The following MAGI2 variants were observed in gnomAD, a reference collection of about 807,000 sequenced individuals.
The protein encoded by MAGI2 is membrane-associated guanylate kinase, WW and PDZ domain-containing protein 2.
MAGI2 carries 35 observed loss-of-function variants against 133.3 expected under a neutral mutation model. That is an observed-to-expected ratio of 0.26 (90% confidence interval 0.20 to 0.35). The LOEUF (loss-of-function observed/expected upper bound fraction) is 0.35. Among genes scored for constraint, MAGI2 ranks in the 10% least tolerant of loss-of-function variants. MAGI2 has a pLI of 1.00. For missense variants in MAGI2, 1,636 were observed against 1,863.4 expected, an observed-to-expected ratio of 0.88 and a Z score of 2.25; for synonymous variants, 729 against 710.6, an observed-to-expected ratio of 1.03 and a Z score of -0.41.
At chr7:78,685,233 G>C (rs321967) in intron 2 of MAGI2, among the ~76,000 whole-genome samples, 113,173 of 152,052 alleles carry the variant, frequency 0.74, 42,307 homozygotes, top group East Asian at 0.97. Context: ...ATTCCTGGCA[G>C]AGTTTAAGGC....
intron 2 of MAGI2, among the ~76,000 whole-genome samples, chr7:78,728,073 A>G (rs530443769): frequency 1.3e-5 from 2 of 152,286 alleles, no homozygotes; most frequent in South Asian, 4.1e-4. Flanking sequence ...AATTGAGTGA[A>G]GTTATAACTA....
chr7:79,220,304 C>G (rs1322973098), intron 1 of MAGI2, among the ~76,000 whole-genome samples: 1 of 152,042 alleles, frequency 6.6e-6, no homozygotes. Context: ...AATGTCTTAA[C>G]TACCTCACGG....
chr7:79,453,101 C>T lies in MAGI2; in HGVS notation c.220G>A (p.Val74Met). The T allele has an allele frequency of 1.2e-6, 2 of 1,613,832 alleles. No homozygotes were observed. The highest frequency in any genetic ancestry group is 1.7e-6 in the Non-Finnish European group (2 of 1,179,980). ...ELLLEVNETPVAGLTIRDVLA... is the reference protein window; with the variant it reads ...ELLLEVNETPMAGLTIRDVLA... The stretch of plus-strand genomic sequence containing the variant: ...ACGTCCCTGATGGTGAGCCCCGCCA[C>T]GGGGGTCTCGTTCACCTCCAGCAGC... The change falls in exon 1 of 22, where the codon GTG becomes ATG. Residue 74 changes from valine (V) to methionine (M), a missense_variant. Transcript: ENST00000354212.
At chr7:79,202,664 T>C (rs995226262) in intron 1 of MAGI2, among the ~76,000 whole-genome samples, 3 of 152,064 alleles carry the variant, frequency 2.0e-5, no homozygotes, top group African/African-American at 4.8e-5. Flanking sequence ...TTTGGGAAAA[T>C]ACAAGTAATG....
chr7:78,251,338 C>G (rs899664723), intron 10 of MAGI2: 1 of 152,172 alleles, frequency 6.6e-6, no homozygotes, highest in Admixed American at 6.5e-5. Context: ...CTGCTCACCT[C>G]TCTTGCACTC....
chr7:79,386,023 G>C (rs1339301370), intron 1 of MAGI2, among the ~76,000 whole-genome samples: 1 of 151,770 alleles, frequency 6.6e-6, no homozygotes, highest in Non-Finnish European at 1.5e-5. Flanking sequence ...CTGGAAAAGA[G>C]GGATTCTGAT....
intron 21 of MAGI2, 180 bp downstream of exon 21, chr7:78,078,767 T>A: frequency 1.5e-6 from 1 of 665,426 alleles, no homozygotes; most frequent in Non-Finnish European, 2.5e-6. Flanking sequence ...TTCCTGGGCA[T>A]AAACATACGT....
At chr7:78,742,749 T>G (rs1822552469) in intron 2 of MAGI2, among the ~76,000 whole-genome samples, 1 of 152,178 alleles carries the variant, frequency 6.6e-6, no homozygotes, top group South Asian at 2.1e-4. Flanking sequence ...ATTTGTAGCT[T>G]GCTTGTGACC....
At chr7:79,201,387 C>G (rs570092517) in intron 1 of MAGI2, among the ~76,000 whole-genome samples, 1 of 152,142 alleles carries the variant, frequency 6.6e-6, no homozygotes, top group South Asian at 2.1e-4. Flanking sequence ...TGATCACTTT[C>G]AAGGTCACAG....
chr7:79,271,336 A>C (rs891381759), intron 1 of MAGI2, among the ~76,000 whole-genome samples: 2 of 152,132 alleles, frequency 1.3e-5, no homozygotes, highest in African/African-American at 2.4e-5. Context: ...TCAGCATTTT[A>C]CGTCTAGCAC....
chr7:79,320,191 T>G (rs910192595), intron 1 of MAGI2, among the ~76,000 whole-genome samples: 1 of 152,168 alleles, frequency 6.6e-6, no homozygotes, highest in Non-Finnish European at 1.5e-5. Flanking sequence ...TATAGTACTA[T>G]GATTTCCCAT....
intron 2 of MAGI2, 79 bp downstream of exon 2, chr7:79,007,011 A>G (rs1276906009): frequency 9.3e-7 from 1 of 1,070,948 alleles, no homozygotes. Context: ...GTGCAATTTC[A>G]CTTTCTTTTA....
At chr7:79,347,100 C>A (rs1228218689) in intron 1 of MAGI2, among the ~76,000 whole-genome samples, 1 of 151,858 alleles carries the variant, frequency 6.6e-6, no homozygotes, top group African/African-American at 2.4e-5. Context: ...GAGTGTTCAT[C>A]TTTACCTTTT....
intron 16 of MAGI2, among the ~76,000 whole-genome samples, chr7:78,140,771 G>T (rs1044796519): frequency 6.6e-6 from 1 of 152,214 alleles, no homozygotes; most frequent in South Asian, 2.1e-4. Flanking sequence ...ACACATTTCA[G>T]AATAGCATCT....
chr7:78,087,503 T>TA (rs3840604), intron 20 of MAGI2, among the ~76,000 whole-genome samples: 10 of 152,104 alleles, frequency 6.6e-5, no homozygotes, highest in East Asian at 1.9e-4. Context: ...GTAGAAGAGA[T>TA]AAAAAAAGTA....
intron 10 of MAGI2, among the ~76,000 whole-genome samples, chr7:78,242,060 T>C (rs892303950): frequency 6.6e-6 from 1 of 150,414 alleles, no homozygotes; most frequent in Non-Finnish European, 1.5e-5. Context: ...GTCTACCACA[T>C]GTTTGACCAC....
intron 2 of MAGI2, among the ~76,000 whole-genome samples, chr7:78,912,765 T>C (rs1196517855): frequency 6.8e-6 from 1 of 147,400 alleles, no homozygotes; most frequent in Admixed American, 6.8e-5. Flanking sequence ...ATATATATCA[T>C]TCATATATAT....
At chr7:78,595,604 G>A (rs1390256835) in intron 3 of MAGI2, among the ~76,000 whole-genome samples, 5 of 152,104 alleles carry the variant, frequency 3.3e-5, no homozygotes, top group East Asian at 1.9e-4. Flanking sequence ...AGAAAACTAC[G>A]CACTCAGTTC....
At chr7:78,241,682 C>T (rs956863237) in intron 10 of MAGI2, among the ~76,000 whole-genome samples, 1 of 152,156 alleles carries the variant, frequency 6.6e-6, no homozygotes, top group African/African-American at 2.4e-5. Flanking sequence ...CCTGTAATCC[C>T]TACACTTTGG....
Sources: allele counts gnomAD v4.1 joint callset (sites outside exome capture counted in the v4.1 genomes callset), GRCh38; gene constraint gnomAD v4.1.1; transcripts MANE v1.5; gene names NCBI Gene and HGNC (gene_info 2026-07-23, HGNC 2026-07-21).